PTPRD: variants seen among roughly 807,000 people sequenced by gnomAD.
PTPRD encodes receptor-type tyrosine-protein phosphatase delta.
Under a neutral mutation model 214.5 loss-of-function variants are expected in PTPRD, and 34 were observed. That is an observed-to-expected ratio of 0.16 (90% CI 0.12 to 0.21). The LOEUF (loss-of-function observed/expected upper bound fraction) is 0.21. PTPRD is among the 10% of genes least tolerant of loss of function. PTPRD has a pLI of 1.00. For synonymous variants in PTPRD, 1,128 were observed against 845.7 expected (o/e 1.33, Z -5.79); for missense variants, 2,545 against 2,398.7 (o/e 1.06, Z -1.27).
intron 5 of PTPRD, among the ~76,000 whole-genome samples, 180 bp downstream of exon 5, chr9:9,938,327 A>G (rs1446463841): frequency 3.3e-5 from 5 of 152,240 alleles, no homozygotes; most frequent in African/African-American, 1.2e-4. Flanking sequence ...AAGTATATGC[A>G]TTGACCTAAA....
chr9:8,516,798 C>CTTTTTTTTTTTTTTTTTTTTTTTTTTTTT (rs71500960), intron 21 of PTPRD, among the ~76,000 whole-genome samples: 2 of 107,890 alleles, frequency 1.9e-5, no homozygotes. Context: ...CAAGAATAAA[C>CTTTTTTTTTTTTTTTTTTTTTTTTTTTTT]TTTTTTTTTT....
intron 8 of PTPRD, among the ~76,000 whole-genome samples, chr9:9,443,046 C>T (rs2088836625): frequency 6.6e-6 from 1 of 151,944 alleles, no homozygotes; most frequent in Admixed American, 6.6e-5. Flanking sequence ...CATAAATCCC[C>T]AAAATGTGCC....
intron 11 of PTPRD, among the ~76,000 whole-genome samples, chr9:8,944,762 G>A (rs147464786): frequency 8.6e-4 from 130 of 152,036 alleles, no homozygotes; most frequent in African/African-American, 2.8e-3. Context: ...TAGTGGGGTT[G>A]GGGTGAAATA....
intron 33 of PTPRD, among the ~76,000 whole-genome samples, chr9:8,454,330 A>T (rs964021162): frequency 2.0e-5 from 3 of 152,236 alleles, no homozygotes; most frequent in Non-Finnish European, 2.9e-5. Flanking sequence ...AACAAAACTC[A>T]GATATTGGTT....
intron 9 of PTPRD, among the ~76,000 whole-genome samples, chr9:9,380,957 T>C (rs953551295): frequency 4.6e-5 from 7 of 152,184 alleles, no homozygotes; most frequent in African/African-American, 1.7e-4. Context: ...TCCTGATACA[T>C]TTATTTGCTT....
At chr9:8,347,347 C>G (rs946517529) in intron 39 of PTPRD, among the ~76,000 whole-genome samples, 1 of 152,110 alleles carries the variant, frequency 6.6e-6, no homozygotes, top group Non-Finnish European at 1.5e-5. Context: ...TTTCATGACT[C>G]TGTCGCCTAC....
At chr9:9,930,903 T>C (rs1263238976) in intron 5 of PTPRD, among the ~76,000 whole-genome samples, 1 of 152,052 alleles carries the variant, frequency 6.6e-6, no homozygotes, top group Admixed American at 6.6e-5. Context: ...TTAAAGGACT[T>C]TACGCATTTA....
At position 8,507,309 on chromosome 9, in the gene PTPRD, C is replaced by T. The variant is rs867521565; in HGVS notation, c.1669G>A (p.Gly557Arg). Residue 557 changes from glycine to arginine, a missense_variant, in exon 22 of 46, where the codon GGA becomes AGA. Physicochemically the swap from Gly to Arg is moderately radical, Grantham distance 125. Transcript: ENST00000381196. ...YELVYKDGEH[G>R]EEQRITIEPG... ...AAGCACTATAGTCTTACCTCCTCTC[C>T]ATGCTCCCCATCTTTGTAGACCAGT... 4 of 1,613,806 alleles carry T rather than the reference C, an allele frequency of 2.5e-6. No individual in the cohort carries two copies. The Admixed American group carries it at 5.0e-5, about 20-fold the overall frequency.
At chr9:10,137,682 C>T (rs913502215) in intron 3 of PTPRD, among the ~76,000 whole-genome samples, 3 of 64,204 alleles carry the variant, frequency 4.7e-5, no homozygotes, top group African/African-American at 6.6e-5. Flanking sequence ...GCACATGTAC[C>T]CTAAAACTTA....
At chr9:10,001,414 T>G (rs1373928433) in intron 4 of PTPRD, among the ~76,000 whole-genome samples, 1 of 152,084 alleles carries the variant, frequency 6.6e-6, no homozygotes, top group East Asian at 1.9e-4. Context: ...TCCAAGAAGC[T>G]TAATAAATTA....
intron 3 of PTPRD, among the ~76,000 whole-genome samples, chr9:10,259,074 G>A (rs982633066): frequency 1.7e-4 from 26 of 152,044 alleles, no homozygotes; most frequent in East Asian, 7.7e-4. Flanking sequence ...CCAGGCTGGA[G>A]TGCAGTGGCG....
intron 10 of PTPRD, among the ~76,000 whole-genome samples, chr9:9,182,643 G>A (rs370345563): frequency 6.6e-6 from 1 of 151,858 alleles, no homozygotes; most frequent in East Asian, 1.9e-4. Flanking sequence ...CCTTGGCAGA[G>A]GATTTTAAAC....
intron 5 of PTPRD, among the ~76,000 whole-genome samples, chr9:9,825,493 G>A (rs976454642): frequency 6.6e-6 from 1 of 151,854 alleles, no homozygotes; most frequent in African/African-American, 2.4e-5. Context: ...GAGAAAGACA[G>A]ACAGAAACAG....
intron 33 of PTPRD, among the ~76,000 whole-genome samples, chr9:8,453,264 T>C (rs945944575): frequency 4.1e-4 from 63 of 152,198 alleles, no homozygotes; most frequent in African/African-American, 9.4e-4. Flanking sequence ...CCCGGGTTCA[T>C]GCCATTCTCC....
At chr9:9,729,092 C>T (rs946953249) in intron 7 of PTPRD, among the ~76,000 whole-genome samples, 3 of 152,136 alleles carry the variant, frequency 2.0e-5, no homozygotes, top group Non-Finnish European at 4.4e-5. Flanking sequence ...AATACCCAAA[C>T]ATAATAGCTC....
chr9:8,559,708 C>G (rs1007638007), intron 14 of PTPRD, among the ~76,000 whole-genome samples: 2 of 152,182 alleles, frequency 1.3e-5, no homozygotes, highest in African/African-American at 4.8e-5. Flanking sequence ...GCAAAAGAAT[C>G]CCTCTATCAC....
chr9:8,923,784 G>A, intron 11 of PTPRD, among the ~76,000 whole-genome samples: 1 of 152,174 alleles, frequency 6.6e-6, no homozygotes, highest in East Asian at 1.9e-4. Context: ...ACCAGGACAT[G>A]TGGCTCTACG....
At chr9:10,018,727 T>A (rs1334730262) in intron 4 of PTPRD, among the ~76,000 whole-genome samples, 2 of 150,554 alleles carry the variant, frequency 1.3e-5, no homozygotes, top group Non-Finnish European at 3.0e-5. Flanking sequence ...TTTTTTGTAT[T>A]TTTAGTAGAG....
intron 8 of PTPRD, among the ~76,000 whole-genome samples, chr9:9,529,412 G>A (rs1484045139): frequency 1.3e-5 from 2 of 151,876 alleles, no homozygotes; most frequent in Non-Finnish European, 2.9e-5. Context: ...CATAGCACTA[G>A]TATACAGGAT....
Sources: allele counts gnomAD v4.1 joint callset (sites outside exome capture counted in the v4.1 genomes callset), GRCh38; gene constraint gnomAD v4.1.1; transcripts MANE v1.5; gene names NCBI Gene and HGNC (gene_info 2026-07-23, HGNC 2026-07-21).